Variants in SNX18 observed in about 807,000 individuals in gnomAD.
SNX18 encodes the protein sorting nexin-18.
A neutral mutation model predicts 48.7 loss-of-function variants in SNX18; 35 were observed. That is an observed-to-expected ratio of 0.72 (90% CI 0.55 to 0.95). The LOEUF (loss-of-function observed/expected upper bound fraction) is 0.95, where lower values mean the gene tolerates loss of function less well. Among genes scored for constraint, SNX18 ranks in the 40% least tolerant of loss-of-function variants. The pLI, the probability that SNX18 is intolerant of heterozygous loss-of-function variation, is 0.00. For missense variants in SNX18, 824 were observed against 871.0 expected, an observed-to-expected ratio of 0.95 and a Z score of 0.68; for synonymous variants, 492 against 384.7, an observed-to-expected ratio of 1.28 and a Z score of -3.26.
rs1285799081 is a variant in SNX18, at chr5:54,525,144, A to C, written c.1621+5571A>C. On this transcript the variant is annotated intron_variant, in intron 1 of 1. Coordinates refer to ENST00000381410, the MANE Select transcript of SNX18 (RefSeq NM_001102575.2). ...CGTAACGCTCACTTATCTTTGGCCAAGTGGGGGCACTTCCTCACGAGGTCA... is the reference window on the plus strand; with the variant it reads ...CGTAACGCTCACTTATCTTTGGCCACGTGGGGGCACTTCCTCACGAGGTCA... Among the ~76,000 whole-genome samples the C allele has an allele frequency of 2.6e-5, 4 of 152,250 alleles. No homozygotes were observed. In the East Asian group the frequency reaches 7.7e-4, roughly 29 times the overall value.
the SNX18 span, among the ~76,000 whole-genome samples, chr5:54,599,845 T>G: frequency 1.3e-5 from 2 of 152,118 alleles, no homozygotes; most frequent in African/African-American, 4.8e-5. Context: ...TCAAGATGGA[T>G]TAAAGACTTA....
At chr5:54,557,968 AG>A in the SNX18 span, among the ~76,000 whole-genome samples, 1 of 152,266 alleles carries the variant, frequency 6.6e-6, no homozygotes, top group South Asian at 2.1e-4. Flanking sequence ...CCCTGGGCTC[AG>A]GCAATCCTCC....
intron 1 of SNX18, among the ~76,000 whole-genome samples, chr5:54,540,985 C>G (rs1216348891): frequency 2.0e-5 from 3 of 151,454 alleles, no homozygotes; most frequent in Admixed American, 2.0e-4. Context: ...TTTTTTTTTC[C>G]TTTAGTTTTA....
chr5:54,625,224 G>A, the SNX18 span, among the ~76,000 whole-genome samples: 2 of 152,124 alleles, frequency 1.3e-5, no homozygotes, highest in Non-Finnish European at 2.9e-5. Context: ...CCAAAACATA[G>A]TGGATTAAAC....
intron 1 of SNX18, among the ~76,000 whole-genome samples, chr5:54,535,466 A>G (rs2112852051): frequency 6.6e-6 from 1 of 152,316 alleles, no homozygotes; most frequent in South Asian, 2.1e-4. Context: ...AAGTAAAAAT[A>G]TTGGTTTAAT....
chr5:54,628,432 A>T, the SNX18 span, among the ~76,000 whole-genome samples: 1 of 151,940 alleles, frequency 6.6e-6, no homozygotes, highest in South Asian at 2.1e-4. Context: ...CCTGGCTGTC[A>T]CTCTGGCCTC....
At chr5:54,535,811 G>T (rs62356915) in intron 1 of SNX18, among the ~76,000 whole-genome samples, 33,167 of 152,112 alleles carry the variant, frequency 0.22, 4,444 homozygotes, top group Non-Finnish European at 0.3. Context: ...AGCCAGCTCT[G>T]CCCTTCTTAC....
chr5:54,519,171 T>G lies in SNX18; in HGVS notation c.1219T>G (p.Phe407Val). Reference protein sequence around the residue: ...AEKDEMVGANFFLTLSTPPAA... With the variant: ...AEKDEMVGANVFLTLSTPPAA... ...GAAGGACGAGATGGTGGGCGCCAAC[T>G]TCTTCCTGACCCTTAGCACGCCCCC... Residue 407 changes from phenylalanine to valine, a missense_variant, in exon 1 of 2, where the codon TTC becomes GTC. By Grantham distance (50) the Phe-to-Val change is conservative. Around this residue, in one of 3 missense-constraint regions of SNX18, gnomAD observed 443 missense variants for 503.6 expected, o/e 0.88. Transcript: ENST00000381410. 3 of 1,613,808 alleles carry G rather than the reference T, an allele frequency of 1.9e-6. No individual in the cohort carries two copies. The highest frequency in any genetic ancestry group is 2.5e-6 in the Non-Finnish European group (3 of 1,179,808).
chr5:54,627,143 T>C, the SNX18 span, among the ~76,000 whole-genome samples: 1 of 152,240 alleles, frequency 6.6e-6, no homozygotes, highest in Non-Finnish European at 1.5e-5. Context: ...TGGGATCTAG[T>C]TCTATACCAT....
the SNX18 span, among the ~76,000 whole-genome samples, chr5:54,602,451 A>G: frequency 6.6e-6 from 1 of 152,200 alleles, no homozygotes; most frequent in East Asian, 1.9e-4. Context: ...GCTGAAATAA[A>G]GAGTGTTTCT....
chr5:54,567,882 G>A, the SNX18 span, among the ~76,000 whole-genome samples: 3 of 152,186 alleles, frequency 2.0e-5, no homozygotes, highest in African/African-American at 4.8e-5. Context: ...GGTGCTGATC[G>A]TGCCTGGGGT....
chr5:54,523,492 G>T (rs968306434), intron 1 of SNX18, among the ~76,000 whole-genome samples: 2 of 151,012 alleles, frequency 1.3e-5, no homozygotes, highest in Non-Finnish European at 2.9e-5. Flanking sequence ...AATGGCTAGA[G>T]GGAGTTCCTT....
At chr5:54,589,359 TTTGC>T in the SNX18 span, among the ~76,000 whole-genome samples, 1 of 152,120 alleles carries the variant, frequency 6.6e-6, no homozygotes, top group Non-Finnish European at 1.5e-5. Flanking sequence ...AGGAGCTATA[TTTGC>T]TTGTGTGGCA....
intron 1 of SNX18, among the ~76,000 whole-genome samples, chr5:54,535,779 T>C (rs964580183): frequency 6.6e-6 from 1 of 152,176 alleles, no homozygotes; most frequent in Non-Finnish European, 1.5e-5. Flanking sequence ...CTTTTTAGCT[T>C]TATTAAAAAC....
Position 54,518,750 on chromosome 5 carries a change from C to T in SNX18, c.798C>T (p.Gly266=). The part of the protein sequence containing the change: ...DKLCVVLGPY[G]PEWQENPYPF... ...TGTGCGTGGTGCTGGGGCCCTATGG[C>T]CCCGAGTGGCAGGAGAACCCCTACC... The change falls in exon 1 of 2, where the codon GGC becomes GGT. Residue 266 remains glycine (G), a synonymous_variant. Coordinates refer to ENST00000381410, the MANE Select transcript of SNX18 (RefSeq NM_001102575.2). 3 of 1,606,260 alleles carry T rather than the reference C, an allele frequency of 1.9e-6. No individual in the cohort carries two copies. The highest frequency in any genetic ancestry group is 2.6e-6 in the Non-Finnish European group (3 of 1,175,908).
chr5:54,636,425 C>A, the SNX18 span, among the ~76,000 whole-genome samples: 1 of 151,848 alleles, frequency 6.6e-6, no homozygotes, highest in Non-Finnish European at 1.5e-5. Context: ...GCAATAAAAT[C>A]TTCAGTGAAA....
At chr5:54,593,837 GA>G in the SNX18 span, among the ~76,000 whole-genome samples, 1 of 152,160 alleles carries the variant, frequency 6.6e-6, no homozygotes, top group East Asian at 1.9e-4. Flanking sequence ...ATCTACATAG[GA>G]AAAAAATGAA....
chr5:54,612,552 C>T, the SNX18 span, among the ~76,000 whole-genome samples: 34 of 152,184 alleles, frequency 2.2e-4, no homozygotes, highest in South Asian at 5.0e-3. Context: ...CGTGAGCCAC[C>T]GTGCCTGGCT....
chr5:54,619,384 G>A, the SNX18 span, among the ~76,000 whole-genome samples: 3 of 152,088 alleles, frequency 2.0e-5, 1 homozygote, highest in Non-Finnish European at 2.9e-5. Context: ...GATGATGCAT[G>A]CCTGTAGTCC....
Sources: allele counts gnomAD v4.1 joint callset (sites outside exome capture counted in the v4.1 genomes callset), GRCh38; gene constraint gnomAD v4.1.1; regional missense constraint gnomAD v4.1.1; transcripts MANE v1.5; gene names NCBI Gene and HGNC (gene_info 2026-07-23, HGNC 2026-07-21).